Variants in ENTREP2 observed in about 807,000 individuals in gnomAD.
ENTREP2 encodes the protein endosomal transmembrane epsin interactor 2.
the ENTREP2 span, among the ~76,000 whole-genome samples, chr15:29,462,106 G>A: frequency 3.3e-5 from 5 of 152,202 alleles, no homozygotes; most frequent in Non-Finnish European, 5.9e-5. Context: ...GCTGAGTAAT[G>A]TTTCATGACA....
the ENTREP2 span, among the ~76,000 whole-genome samples, chr15:29,422,708 T>C: frequency 6.6e-6 from 1 of 152,150 alleles, no homozygotes; most frequent in East Asian, 1.9e-4. Flanking sequence ...GATACCTTTG[T>C]AAGAGTAGAC....
chr15:29,674,136 G>T, the ENTREP2 span, among the ~76,000 whole-genome samples: 1 of 149,778 alleles, frequency 6.7e-6, no homozygotes, highest in Non-Finnish European at 1.5e-5. Context: ...GATGGGGGGG[G>T]GGGGGGGCTT....
the ENTREP2 span, among the ~76,000 whole-genome samples, chr15:29,388,033 C>A: frequency 2.6e-5 from 4 of 152,172 alleles, no homozygotes; most frequent in South Asian, 2.1e-4. Context: ...AAAACCTAGG[C>A]AATACCATTC....
At chr15:29,305,323 A>C in the ENTREP2 span, among the ~76,000 whole-genome samples, 21,006 of 152,192 alleles carry the variant, frequency 0.14, 2,185 homozygotes, top group African/African-American at 0.29. Context: ...CTGGAAGACA[A>C]ATGAGAATTT....
chr15:29,174,027 C>G, the ENTREP2 span, among the ~76,000 whole-genome samples: 2 of 151,284 alleles, frequency 1.3e-5, no homozygotes, highest in Non-Finnish European at 2.9e-5. Context: ...ATAGCAGGCT[C>G]TATTTTAAGC....
chr15:29,391,154 T>G, the ENTREP2 span, among the ~76,000 whole-genome samples: 4 of 152,116 alleles, frequency 2.6e-5, no homozygotes, highest in South Asian at 2.1e-4. Flanking sequence ...TCACGAGGCA[T>G]GCAGGCCTCT....
At chr15:29,186,803 T>G in the ENTREP2 span, among the ~76,000 whole-genome samples, 1 of 152,226 alleles carries the variant, frequency 6.6e-6, no homozygotes, top group African/African-American at 2.4e-5. Flanking sequence ...TGTTCTGGTC[T>G]TATATGCAAT....
the ENTREP2 span, among the ~76,000 whole-genome samples, chr15:29,131,165 T>C: frequency 6.6e-6 from 1 of 152,276 alleles, no homozygotes; most frequent in East Asian, 1.9e-4. Flanking sequence ...TAGAAACAGA[T>C]TTATGAAGAG....
At chr15:29,287,383 CAAAAAAA>C in the ENTREP2 span, among the ~76,000 whole-genome samples, 1 of 113,114 alleles carries the variant, frequency 8.8e-6, no homozygotes, top group African/African-American at 3.9e-5. Flanking sequence ...GCAAGACCAG[CAAAAAAA>C]AAAAAAAGAA....
the ENTREP2 span, among the ~76,000 whole-genome samples, chr15:29,385,024 C>T: frequency 1.3e-5 from 2 of 152,188 alleles, no homozygotes; most frequent in African/African-American, 4.8e-5. Context: ...GCCCCACCCT[C>T]CTCACTCACG....
chr15:29,546,041 A>G, the ENTREP2 span, among the ~76,000 whole-genome samples: 1 of 152,188 alleles, frequency 6.6e-6, no homozygotes, highest in Non-Finnish European at 1.5e-5. Flanking sequence ...TTTGCCACAG[A>G]ACCTTCTATC....
the ENTREP2 span, among the ~76,000 whole-genome samples, chr15:29,195,911 G>A: frequency 2.0e-5 from 3 of 152,140 alleles, no homozygotes; most frequent in Admixed American, 2.0e-4. Context: ...GTATTTTTAA[G>A]TAGCCAATTT....
At chr15:29,352,949 T>C in the ENTREP2 span, among the ~76,000 whole-genome samples, 1 of 152,306 alleles carries the variant, frequency 6.6e-6, no homozygotes, top group Non-Finnish European at 1.5e-5. Context: ...TTCTATCTCT[T>C]GTTTCTATTA....
At chr15:29,592,365 T>C in the ENTREP2 span, among the ~76,000 whole-genome samples, 1 of 152,178 alleles carries the variant, frequency 6.6e-6, no homozygotes, top group Non-Finnish European at 1.5e-5. Flanking sequence ...GAATAACTTA[T>C]AAAGAAACGT....
the ENTREP2 span, among the ~76,000 whole-genome samples, chr15:29,629,764 T>G: frequency 6.6e-6 from 1 of 152,216 alleles, no homozygotes; most frequent in African/African-American, 2.4e-5. Flanking sequence ...GTATTTCCTT[T>G]CCTCTTTCTG....
At chr15:29,384,699 C>A in the ENTREP2 span, among the ~76,000 whole-genome samples, 1 of 152,094 alleles carries the variant, frequency 6.6e-6, no homozygotes, top group Non-Finnish European at 1.5e-5. Context: ...GGCTGTCTTC[C>A]CTCCACACCC....
chr15:29,276,814 G>T, the ENTREP2 span, among the ~76,000 whole-genome samples: 69 of 152,210 alleles, frequency 4.5e-4, no homozygotes, highest in African/African-American at 1.6e-3. Flanking sequence ...TAAATCAGTA[G>T]CCAATCCTAT....
the ENTREP2 span, among the ~76,000 whole-genome samples, chr15:29,411,546 C>T: frequency 1.3e-5 from 2 of 152,252 alleles, no homozygotes; most frequent in African/African-American, 2.4e-5. Context: ...TGCCTTTATC[C>T]TATTGATTTG....
At chr15:29,279,765 G>A in the ENTREP2 span, among the ~76,000 whole-genome samples, 1 of 152,150 alleles carries the variant, frequency 6.6e-6, no homozygotes, top group Non-Finnish European at 1.5e-5. Flanking sequence ...TGGGATGCTA[G>A]TTAATATGGA....
Sources: allele counts gnomAD v4.1 joint callset (sites outside exome capture counted in the v4.1 genomes callset), GRCh38; gene constraint gnomAD v4.1.1; transcripts MANE v1.5; gene names NCBI Gene and HGNC (gene_info 2026-07-23, HGNC 2026-07-21).